Variants in SPECC1 observed in about 807,000 individuals in gnomAD.
SPECC1 encodes sperm antigen with calponin homology and coiled-coil domains 1.
SPECC1 carries 62 observed loss-of-function variants against 104.1 expected under a neutral mutation model. The ratio of observed to expected loss-of-function variants is 0.60; its 90% CI spans 0.49 to 0.74. The LOEUF is 0.74. SPECC1 is among the 30% of genes least tolerant of loss of function. The pLI, the probability that SPECC1 is intolerant of heterozygous loss-of-function variation, is 0.00. For synonymous variants in SPECC1, 513 were observed against 501.6 expected, an observed-to-expected ratio of 1.02 and a Z score of -0.30; for missense variants, 1,306 against 1,310.5, an observed-to-expected ratio of 1.00 and a Z score of 0.05.
intron 7 of SPECC1, among the ~76,000 whole-genome samples, chr17:20,245,196 G>T (rs1598075468): frequency 1.3e-5 from 2 of 152,292 alleles, no homozygotes. Context: ...TGTTGGGAAG[G>T]CTGAGCTTCC....
chr17:20,025,511 C>G (rs756387901), intron 1 of SPECC1, among the ~76,000 whole-genome samples: 2 of 152,092 alleles, frequency 1.3e-5, no homozygotes, highest in Admixed American at 1.3e-4. Flanking sequence ...ATAAGGTTTC[C>G]GAGATTCATC....
At chr17:20,160,772 T>C (rs2033067253) in intron 3 of SPECC1, among the ~76,000 whole-genome samples, 2 of 152,172 alleles carry the variant, frequency 1.3e-5, no homozygotes, top group Admixed American at 6.6e-5. Context: ...TATACCCTTA[T>C]TGTTTCTTGA....
intron 3 of SPECC1, among the ~76,000 whole-genome samples, chr17:20,150,802 A>G (rs764694950): frequency 1.3e-5 from 2 of 152,152 alleles, no homozygotes; most frequent in Non-Finnish European, 2.9e-5. Flanking sequence ...TAAGACAGAT[A>G]TTTGGTATAG....
intron 1 of SPECC1, among the ~76,000 whole-genome samples, chr17:20,043,131 T>TGTCCA (rs948970190): frequency 1.1e-4 from 17 of 152,232 alleles, no homozygotes; most frequent in Non-Finnish European, 8.8e-5. Context: ...GGTCAGAAGC[T>TGTCCA]GTCCAGTTCT....
At chr17:20,190,969 CT>C (rs2035630238) in intron 3 of SPECC1, among the ~76,000 whole-genome samples, 1 of 151,942 alleles carries the variant, frequency 6.6e-6, no homozygotes, top group Non-Finnish European at 1.5e-5. Context: ...GTAGTTTTGT[CT>C]TTTGCAGAAT....
chr17:20,049,614 GTTCA>G (rs1250126769), intron 1 of SPECC1, among the ~76,000 whole-genome samples: 1 of 152,012 alleles, frequency 6.6e-6, no homozygotes, highest in Non-Finnish European at 1.5e-5. Flanking sequence ...TGTTTTCCCA[GTTCA>G]TTCAGCTATG....
chr17:20,246,606 A>G (rs901425309), intron 8 of SPECC1, among the ~76,000 whole-genome samples: 2 of 152,170 alleles, frequency 1.3e-5, no homozygotes, highest in African/African-American at 4.8e-5. Flanking sequence ...GTGTTGTCTG[A>G]TGGTCTCACA....
Position 20,315,250 on chromosome 17 carries a change from GA to G in SPECC1, c.*1189del. On this transcript the variant is annotated 3_prime_UTR_variant, in exon 15 of 15. Transcript: ENST00000395527. ...CCCCAGGCCTCTTTCATCGGCATGG[GA>G]AAAGCCCTTAGGGGTGGGCGGTGAG... The G allele has an allele frequency of 4.3e-6, 1 of 232,754 alleles. No individual in the cohort carries two copies. The highest frequency in any genetic ancestry group is 8.5e-6 in the Non-Finnish European group (1 of 117,738). 14.4% of individuals were successfully genotyped at this position (232,754 alleles called of 1,614,324 possible).
intron 4 of SPECC1, among the ~76,000 whole-genome samples, chr17:20,208,608 G>A (rs1017327159): frequency 6.6e-6 from 1 of 152,228 alleles, no homozygotes; most frequent in African/African-American, 2.4e-5. Flanking sequence ...CTTACCCAGT[G>A]AGCAATGATG....
intron 3 of SPECC1, among the ~76,000 whole-genome samples, chr17:20,184,016 A>C (rs1317244225): frequency 6.6e-6 from 1 of 151,658 alleles, no homozygotes; most frequent in East Asian, 1.9e-4. Context: ...ACTTAAAAAA[A>C]AAAAAAGACA....
chr17:20,079,443 G>T (rs1451187286), intron 1 of SPECC1, among the ~76,000 whole-genome samples: 2 of 152,116 alleles, frequency 1.3e-5, no homozygotes, highest in Admixed American at 1.3e-4. Context: ...GGGACTACAG[G>T]TGTGCACCAC....
intron 3 of SPECC1, among the ~76,000 whole-genome samples, chr17:20,117,565 T>C (rs951125426): frequency 1.3e-5 from 2 of 151,810 alleles, no homozygotes; most frequent in Admixed American, 6.6e-5. Flanking sequence ...AGTGGGAGGA[T>C]TGCTTGAGCC....
chr17:20,032,077 G>C (rs1597589405), intron 1 of SPECC1, among the ~76,000 whole-genome samples: 1 of 152,232 alleles, frequency 6.6e-6, no homozygotes, highest in East Asian at 1.9e-4. Context: ...CTTCAAATAT[G>C]TTATCATTCA....
intron 1 of SPECC1, among the ~76,000 whole-genome samples, chr17:20,011,456 A>C (rs1454470822): frequency 6.6e-6 from 1 of 152,016 alleles, no homozygotes; most frequent in Non-Finnish European, 1.5e-5. Context: ...AGACTCTTAC[A>C]TATCTGTATG....
intron 3 of SPECC1, among the ~76,000 whole-genome samples, chr17:20,182,141 C>T: frequency 9.5e-6 from 1 of 105,418 alleles, no homozygotes; most frequent in Non-Finnish European, 1.8e-5. Context: ...GAGACAGGGC[C>T]TCACTCCACT....
At chr17:20,168,613 G>T (rs959667913) in intron 3 of SPECC1, among the ~76,000 whole-genome samples, 3 of 152,100 alleles carry the variant, frequency 2.0e-5, no homozygotes, top group Non-Finnish European at 2.9e-5. Context: ...TAAAAAAATG[G>T]TTATTAAAAA....
chr17:20,196,401 G>A (rs1024402039), intron 3 of SPECC1, among the ~76,000 whole-genome samples: 1 of 152,206 alleles, frequency 6.6e-6, no homozygotes. Flanking sequence ...CATAGCTAGG[G>A]GGCATGGCTA....
chr17:20,237,172 AAAAC>A (rs2038964436), intron 7 of SPECC1: 6 of 1,336,472 alleles, frequency 4.5e-6, no homozygotes, highest in South Asian at 1.6e-5. Flanking sequence ...AGTTCTGAAA[AAAAC>A]AAAGTACAAG....
intron 1 of SPECC1, among the ~76,000 whole-genome samples, chr17:20,069,373 A>G (rs929293043): frequency 1.3e-5 from 2 of 152,076 alleles, no homozygotes; most frequent in African/African-American, 4.8e-5. Context: ...AGTCCACTTT[A>G]TCTAGTTTGT....
Sources: gnomAD v4.1 joint callset for allele counts (sites outside exome capture counted in the v4.1 genomes callset) on GRCh38, gnomAD v4.1.1 for gene constraint, MANE v1.5 for transcripts, NCBI Gene and HGNC (gene_info 2026-07-23, HGNC 2026-07-21) for gene names.